GABRG1: variants seen among roughly 807,000 people sequenced by gnomAD.
GABRG1 encodes gamma-aminobutyric acid receptor subunit gamma-1.
In GABRG1, 49 loss-of-function variants were observed where a neutral mutation model predicts 49.8. The observed-to-expected ratio is 0.98, with a 90% CI of 0.78 to 1.25. The LOEUF (loss-of-function observed/expected upper bound fraction) is 1.25, where lower values mean the gene tolerates loss of function less well. Ranked by LOEUF, GABRG1 falls within the 50% of genes most tolerant of loss-of-function variation. The pLI is 0.00. For missense variants in GABRG1, 552 were observed against 552.3 expected, an observed-to-expected ratio of 1.00 and a Z score of 0.01; for synonymous variants, 232 against 185.1, an observed-to-expected ratio of 1.25 and a Z score of -2.06.
intron 1 of GABRG1, among the ~76,000 whole-genome samples, chr4:46,117,774 A>G (rs1720959034): frequency 7.1e-6 from 1 of 141,454 alleles, no homozygotes; most frequent in Non-Finnish European, 1.5e-5. Context: ...ATATACATAT[A>G]TACATACATG....
At chr4:46,057,981 CA>C (rs1290180938) in intron 7 of GABRG1, among the ~76,000 whole-genome samples, 1 of 151,984 alleles carries the variant, frequency 6.6e-6, no homozygotes, top group East Asian at 1.9e-4. Context: ...CCTTGGTCTT[CA>C]TTAGCAGAAA....
intron 3 of GABRG1, among the ~76,000 whole-genome samples, chr4:46,077,942 G>T: frequency 6.6e-6 from 1 of 151,114 alleles, no homozygotes; most frequent in Non-Finnish European, 1.5e-5. Flanking sequence ...TGAACACACT[G>T]GATAAAAGAA....
intron 1 of GABRG1, among the ~76,000 whole-genome samples, chr4:46,117,606 C>CTATATA (rs781217307): frequency 7.3e-6 from 1 of 136,248 alleles, no homozygotes; most frequent in South Asian, 2.2e-4. Context: ...CTCTCTCTCT[C>CTATATA]TCTCTCTATA....
intron 2 of GABRG1, among the ~76,000 whole-genome samples, chr4:46,086,799 G>C (rs933919618): frequency 6.6e-6 from 1 of 151,472 alleles, no homozygotes; most frequent in African/African-American, 2.4e-5. Flanking sequence ...GATTGCTTTT[G>C]GACTCTCTTC....
intron 5 of GABRG1, 39 bp from the exon 6 acceptor site, chr4:46,058,661 T>A: frequency 6.6e-7 from 1 of 1,523,764 alleles, no homozygotes; most frequent in Non-Finnish European, 9.0e-7. Context: ...AGATCCAAAT[T>A]TGATACCATT....
intron 8 of GABRG1, among the ~76,000 whole-genome samples, chr4:46,042,623 T>G (rs1717827234): frequency 6.6e-6 from 1 of 152,028 alleles, no homozygotes; most frequent in African/African-American, 2.4e-5. Flanking sequence ...AAAAACATTT[T>G]TACAAATGTA....
intron 8 of GABRG1, among the ~76,000 whole-genome samples, chr4:46,050,320 A>G (rs1718166791): frequency 6.6e-6 from 1 of 151,946 alleles, no homozygotes; most frequent in African/African-American, 2.4e-5. Flanking sequence ...AAAATACACC[A>G]GGTTTTTCTC....
intron 1 of GABRG1, among the ~76,000 whole-genome samples, chr4:46,099,607 A>G (rs565548075): frequency 6.6e-6 from 1 of 151,714 alleles, no homozygotes; most frequent in African/African-American, 2.4e-5. Context: ...CCTCAGTTCT[A>G]CTATTCCAAA....
At chr4:46,077,922 A>T (rs1300739528) in intron 3 of GABRG1, among the ~76,000 whole-genome samples, 1 of 151,768 alleles carries the variant, frequency 6.6e-6, no homozygotes, top group Non-Finnish European at 1.5e-5. Flanking sequence ...CTTCATATTT[A>T]TAGAGTCAAT....
intron 1 of GABRG1, among the ~76,000 whole-genome samples, chr4:46,099,787 C>G (rs1720314121): frequency 6.6e-6 from 1 of 151,598 alleles, no homozygotes; most frequent in Non-Finnish European, 1.5e-5. Flanking sequence ...TTCTCAGACC[C>G]TAAAACCCAT....
chr4:46,093,419 T>C (rs1050709587), intron 2 of GABRG1, among the ~76,000 whole-genome samples: 2 of 151,948 alleles, frequency 1.3e-5, no homozygotes, highest in Non-Finnish European at 2.9e-5. Context: ...ATTGAACTCA[T>C]AGAGTTAGAA....
At chr4:46,098,159 A>T (rs973232971) in intron 1 of GABRG1, among the ~76,000 whole-genome samples, 1 of 151,764 alleles carries the variant, frequency 6.6e-6, no homozygotes, top group African/African-American at 2.4e-5. Flanking sequence ...GCTTTCTGAT[A>T]CACCTGTGTG....
At chr4:46,041,520 A>G (rs752794670) in intron 8 of GABRG1, among the ~76,000 whole-genome samples, 8 of 152,004 alleles carry the variant, frequency 5.3e-5, no homozygotes, top group Non-Finnish European at 8.8e-5. Context: ...TCACCAAAAT[A>G]TCATTTACCA....
chr4:46,099,080 G>T (rs186164318), intron 1 of GABRG1, among the ~76,000 whole-genome samples: 1 of 151,164 alleles, frequency 6.6e-6, no homozygotes, highest in Non-Finnish European at 1.5e-5. Flanking sequence ...TATCTTCCAC[G>T]GATTAATAAC....
intron 3 of GABRG1, among the ~76,000 whole-genome samples, chr4:46,070,413 G>C (rs1463671427): frequency 1.3e-5 from 2 of 151,914 alleles, no homozygotes; most frequent in Non-Finnish European, 2.9e-5. Context: ...AATGCAATCT[G>C]TAGGGTTTTA....
At chr4:46,048,370 A>AAG (rs1718080856) in intron 8 of GABRG1, among the ~76,000 whole-genome samples, 1 of 121,330 alleles carries the variant, frequency 8.2e-6, no homozygotes, top group Non-Finnish European at 1.7e-5. Flanking sequence ...AATGGAATAG[A>AAG]GAAGGAAGGA....
chr4:46,115,951 C>G (rs928311225), intron 1 of GABRG1, among the ~76,000 whole-genome samples: 2 of 150,626 alleles, frequency 1.3e-5, no homozygotes, highest in African/African-American at 4.8e-5. Context: ...ATAAAAAAGA[C>G]AATTATAAAA....
Position 46,038,256 on chromosome 4 carries a change from T to A in GABRG1, c.*2732A>T, listed in dbSNP as rs1247548190. 2.0e-5 allele frequency: 3 copies of A among 151,660 alleles called. No individual in the cohort carries two copies. Among genetic ancestry groups the A allele is most frequent in the Non-Finnish European group, 4.4e-5 (3 of 67,714 alleles). The allele number at this position is 151,660 out of a possible 1,614,324, so 9.4% of individuals were successfully genotyped here. On this transcript the variant is annotated 3_prime_UTR_variant, in exon 9 of 9. Coordinates refer to ENST00000295452, the MANE Select transcript of GABRG1 (RefSeq NM_173536.4). ...TTACAAAAATTAATTTAAGTGAGCC[T>A]AATTTTGTCCATGGAATTCGAAGAT...
intron 1 of GABRG1, among the ~76,000 whole-genome samples, chr4:46,099,949 CA>C (rs1720325836): frequency 1.3e-5 from 2 of 151,672 alleles, no homozygotes; most frequent in South Asian, 4.1e-4. Flanking sequence ...AATATTGTTC[CA>C]ATTTGAGATA....
Sources: gnomAD v4.1 joint callset for allele counts (sites outside exome capture counted in the v4.1 genomes callset) on GRCh38, gnomAD v4.1.1 for gene constraint, MANE v1.5 for transcripts, NCBI Gene and HGNC (gene_info 2026-07-23, HGNC 2026-07-21) for gene names.